Variants in TARS1 observed in about 807,000 individuals in gnomAD.
The protein encoded by TARS1 is threonine--tRNA ligase 1, cytoplasmic.
In TARS1, 57 loss-of-function variants were observed where a neutral mutation model predicts 97.7. The ratio of observed to expected loss-of-function variants is 0.58; its 90% CI spans 0.47 to 0.73. The LOEUF (loss-of-function observed/expected upper bound fraction) is 0.73. Ranked by LOEUF, TARS1 falls within the 30% of genes least tolerant of loss-of-function variation. The pLI, the probability that TARS1 is intolerant of heterozygous loss-of-function variation, is 0.00. For synonymous variants in TARS1, 312 were observed against 293.7 expected (o/e 1.06, Z -0.64); for missense variants, 806 against 888.3 (o/e 0.91, Z 1.18).
intron 1 of TARS1, among the ~76,000 whole-genome samples, chr5:33,444,395 C>T (rs1182667145): frequency 1.3e-5 from 2 of 152,162 alleles, no homozygotes; most frequent in African/African-American, 2.4e-5. Context: ...ACATGGGTAA[C>T]TTGTATGGTA....
intron 10 of TARS1, among the ~76,000 whole-genome samples, 191 bp downstream of exon 10, chr5:33,458,855 G>A (rs772813732): frequency 6.6e-6 from 1 of 152,186 alleles, no homozygotes; most frequent in Non-Finnish European, 1.5e-5. Flanking sequence ...AGAAACTGGT[G>A]AGCTTGAAGG....
chr5:33,460,947 G>T lies in TARS1; in HGVS notation c.1296G>T (p.Leu432=). The change falls in exon 12 of 19, where the codon CTG becomes CTT. Residue 432 remains leucine, a synonymous_variant. Transcript: ENST00000265112. ...HRPRSWRELP[L]RLADFGVLHR... ...CAAGGTCCTGGCGAGAACTGCCTCT[G>T]CGGCTAGCTGATTTTGGGGTACTTC... 1 of 1,614,150 alleles carries T rather than the reference G, an allele frequency of 6.2e-7. No individual in the cohort carries two copies. The highest frequency in any genetic ancestry group is 8.5e-7 in the Non-Finnish European group (1 of 1,180,040).
intron 2 of TARS1, 119 bp from the exon 3 acceptor site, chr5:33,448,422 A>T: frequency 2.4e-6 from 2 of 828,008 alleles, no homozygotes; most frequent in Non-Finnish European, 3.5e-6. Flanking sequence ...GTGTTTATTT[A>T]CCACATTGAA....
At chr5:33,452,191 G>C in intron 3 of TARS1, 1 of 625,332 alleles carries the variant, frequency 1.6e-6, no homozygotes, top group Non-Finnish European at 2.7e-6. Flanking sequence ...AGGTTTCTTT[G>C]AGATTTACAG....
chr5:33,453,517 T>C, intron 4 of TARS1, 105 bp downstream of exon 4: 2 of 1,364,648 alleles, frequency 1.5e-6, no homozygotes, highest in Non-Finnish European at 2.0e-6. Flanking sequence ...TTTATTGTTG[T>C]CTCACTGTCA....
intron 5 of TARS1, among the ~76,000 whole-genome samples, 171 bp downstream of exon 5, chr5:33,455,237 T>C (rs1741955699): frequency 6.6e-6 from 1 of 152,082 alleles, no homozygotes; most frequent in South Asian, 2.1e-4. Flanking sequence ...ATAGAGGATT[T>C]GATGAGACCT....
intron 11 of TARS1, 184 bp downstream of exon 11, chr5:33,460,045 TTTA>T: frequency 1.2e-5 from 7 of 588,642 alleles, no homozygotes; most frequent in African/African-American, 3.7e-5. Context: ...TTTTTTTTTT[TTTA>T]AAGAGGTCTT....
At position 33,448,647 on chromosome 5, in the gene TARS1, C is replaced by T. The variant is rs1417165863; in HGVS notation, c.245C>T (p.Pro82Leu). The change falls in exon 3 of 19, where the codon CCA becomes CTA. Residue 82 changes from proline to leucine, a missense_variant. Physicochemically the swap from Pro to Leu is moderately conservative, Grantham distance 98 (BLOSUM62 -3). Transcript: ENST00000265112. ...GAAAAGGCAGAAAAAGATAGCAAGCCAATTAAAGTCACTTTGCCTGATGGT... is the reference window on the plus strand; with the variant it reads ...GAAAAGGCAGAAAAAGATAGCAAGCTAATTAAAGTCACTTTGCCTGATGGT... ...LAEKAEKDSK[P>L]IKVTLPDGKQ... The T allele has an allele frequency of 6.2e-7, 1 of 1,613,756 alleles. No homozygotes were observed. The highest frequency in any genetic ancestry group is 8.5e-7 in the Non-Finnish European group (1 of 1,179,900).
intron 11 of TARS1, 84 bp downstream of exon 11, chr5:33,459,945 C>T: frequency 7.0e-7 from 1 of 1,436,418 alleles, no homozygotes; most frequent in Non-Finnish European, 9.5e-7. Context: ...ACAACATTTT[C>T]ATTAAAAACA....
At chr5:33,467,271 T>C (rs1742571591) in intron 18 of TARS1, among the ~76,000 whole-genome samples, 2 of 152,174 alleles carry the variant, frequency 1.3e-5, no homozygotes, top group South Asian at 4.1e-4. Flanking sequence ...ATTGGATTAC[T>C]TTCTCAAGAT....
At position 33,458,683 on chromosome 5, in the gene TARS1, T is replaced by G. The variant is rs910546028; in HGVS notation, c.1083+19T>G. ...CATTAGGGTAAGTCATATTTATTGCTTTCTTCTTTAGATTTAGGATATGTG... is the reference window on the plus strand; with the variant it reads ...CATTAGGGTAAGTCATATTTATTGCGTTCTTCTTTAGATTTAGGATATGTG... On this transcript the variant is annotated intron_variant, in intron 10 of 18. Coordinates refer to ENST00000265112, the MANE Select transcript of TARS1 (RefSeq NM_152295.5). The G allele has an allele frequency of 1.9e-6, 3 of 1,570,956 alleles. No individual in the cohort carries two copies. In the African/African-American group the frequency reaches 4.1e-5, roughly 21 times the overall value.
intron 11 of TARS1, 57 bp downstream of exon 11, chr5:33,459,918 G>T (rs1742211412): frequency 8.4e-6 from 13 of 1,554,078 alleles, no homozygotes; most frequent in African/African-American, 4.1e-5. Flanking sequence ...ATTCATCCTG[G>T]GTTCTTCCCT....
intron 6 of TARS1, 87 bp from the exon 7 acceptor site, chr5:33,455,915 T>C: frequency 8.5e-7 from 1 of 1,176,754 alleles, no homozygotes; most frequent in African/African-American, 1.6e-5. Context: ...AACATTTATA[T>C]TCATACAGTG....
chr5:33,444,426 T>C (rs959305996), intron 1 of TARS1, among the ~76,000 whole-genome samples: 2 of 152,266 alleles, frequency 1.3e-5, no homozygotes, highest in African/African-American at 4.8e-5. Flanking sequence ...ATCTTAAAAC[T>C]TAAGAAAACT....
chr5:33,449,969 A>G (rs2111946842), intron 3 of TARS1, among the ~76,000 whole-genome samples: 1 of 152,270 alleles, frequency 6.6e-6, no homozygotes, highest in Non-Finnish European at 1.5e-5. Context: ...GAATATATAT[A>G]TGTATGGCAA....
intron 17 of TARS1, chr5:33,466,195 G>T (rs1394529704): frequency 6.6e-6 from 1 of 152,182 alleles, no homozygotes; most frequent in Non-Finnish European, 1.5e-5. Flanking sequence ...CTTCCTTTGG[G>T]TTAATGGCCA....
intron 3 of TARS1, 43 bp downstream of exon 3, chr5:33,448,774 A>C (rs1057024542): frequency 9.3e-6 from 13 of 1,396,206 alleles, no homozygotes; most frequent in Admixed American, 2.5e-5. Flanking sequence ...TTTGTGGTCT[A>C]ACTAAACTTC....
At chr5:33,448,080 TC>T (rs1741508507) in intron 2 of TARS1, among the ~76,000 whole-genome samples, 1 of 152,256 alleles carries the variant, frequency 6.6e-6, no homozygotes, top group South Asian at 2.1e-4. Flanking sequence ...GTAAATACTT[TC>T]CTTGAAGGGG....
At chr5:33,443,357 C>A (rs1313302126) in intron 1 of TARS1, among the ~76,000 whole-genome samples, 2 of 145,880 alleles carry the variant, frequency 1.4e-5, no homozygotes, top group African/African-American at 2.6e-5. Flanking sequence ...CTCTCTCTCT[C>A]TCTCACTACC....
Sources: gnomAD v4.1 joint callset for allele counts (sites outside exome capture counted in the v4.1 genomes callset) on GRCh38, gnomAD v4.1.1 for gene constraint, MANE v1.5 for transcripts, NCBI Gene and HGNC (gene_info 2026-07-23, HGNC 2026-07-21) for gene names.